Variants in GARIN2 observed in about 807,000 individuals in gnomAD.
GARIN2 encodes the protein golgi associated RAB2 interactor family member 2.
chr14:67,211,136 G>A, the GARIN2 span, among the ~76,000 whole-genome samples: 2 of 152,104 alleles, frequency 1.3e-5, no homozygotes, highest in Non-Finnish European at 2.9e-5. Context: ...TTTGTAACAT[G>A]GGGATACTAT....
the GARIN2 span, chr14:67,223,967 T>C: frequency 1.2e-5 from 12 of 984,974 alleles, no homozygotes; most frequent in Non-Finnish European, 1.4e-5. Flanking sequence ...ATTTATATTA[T>C]AGGCGGAAAT....
the GARIN2 span, among the ~76,000 whole-genome samples, chr14:67,196,200 CCTTT>C: frequency 1.3e-5 from 2 of 151,308 alleles, no homozygotes; most frequent in Non-Finnish European, 2.9e-5. Flanking sequence ...CTTTTTCTTT[CCTTT>C]CTTTTCTTTT....
chr14:67,221,643 T>C, the GARIN2 span: 1 of 1,325,174 alleles, frequency 7.5e-7, no homozygotes, highest in Non-Finnish European at 1.0e-6. Context: ...AGCAATGGCC[T>C]AGGTTTGCTA....
the GARIN2 span, among the ~76,000 whole-genome samples, chr14:67,198,552 T>G: frequency 1.0e-3 from 159 of 152,348 alleles, no homozygotes; most frequent in African/African-American, 3.6e-3. Context: ...AACTCTACCA[T>G]AATTGCCATT....
chr14:67,190,865 G>T, the GARIN2 span, among the ~76,000 whole-genome samples: 35 of 152,298 alleles, frequency 2.3e-4, 1 homozygote, highest in South Asian at 6.8e-3. Flanking sequence ...CAAAGTGCTG[G>T]GAATAATTAA....
At chr14:67,201,688 G>A in the GARIN2 span, 1 of 367,106 alleles carries the variant, frequency 2.7e-6, no homozygotes, top group Non-Finnish European at 5.4e-6. Flanking sequence ...TCATCCCTGA[G>A]CCATGATATT....
chr14:67,218,114 G>A, the GARIN2 span, among the ~76,000 whole-genome samples: 29 of 152,252 alleles, frequency 1.9e-4, no homozygotes, highest in African/African-American at 6.0e-4. Flanking sequence ...CCAGGGGTAG[G>A]CTCACCAGGC....
chr14:67,209,290 C>T, the GARIN2 span, among the ~76,000 whole-genome samples: 3 of 151,866 alleles, frequency 2.0e-5, no homozygotes, highest in South Asian at 6.2e-4. Context: ...CTGGAATGTG[C>T]TGTGATGAAA....
At chr14:67,213,795 T>A in the GARIN2 span, among the ~76,000 whole-genome samples, 1 of 152,194 alleles carries the variant, frequency 6.6e-6, no homozygotes, top group African/African-American at 2.4e-5. Context: ...TGTAAAAGTG[T>A]TCCTATTTCT....
At chr14:67,198,085 TATG>T in the GARIN2 span, 5 of 1,524,904 alleles carry the variant, frequency 3.3e-6, no homozygotes, top group Non-Finnish European at 4.4e-6. Flanking sequence ...GCAACTTAAT[TATG>T]ATATTAAATT....
At chr14:67,225,976 TGC>T in the GARIN2 span, among the ~76,000 whole-genome samples, 14 of 117,254 alleles carry the variant, frequency 1.2e-4, no homozygotes, top group African/African-American at 4.4e-4. Context: ...CGCGCGCGCG[TGC>T]GCATGCGCGT....
the GARIN2 span, among the ~76,000 whole-genome samples, chr14:67,213,095 G>GT: frequency 0.039 from 5,239 of 135,612 alleles, 117 homozygotes; most frequent in African/African-American, 0.044. Context: ...ATTCTGTGGT[G>GT]TTTTTTTTTT....
the GARIN2 span, among the ~76,000 whole-genome samples, chr14:67,192,349 AT>A: frequency 2.6e-5 from 4 of 152,094 alleles, no homozygotes. Flanking sequence ...TCTCACTTTC[AT>A]TCAACAAGTA....
At chr14:67,219,186 T>C in the GARIN2 span, among the ~76,000 whole-genome samples, 1 of 152,178 alleles carries the variant, frequency 6.6e-6, no homozygotes, top group Non-Finnish European at 1.5e-5. Flanking sequence ...AAAACTAGGC[T>C]CAGGGCTTGT....
chr14:67,193,792 A>G, the GARIN2 span, among the ~76,000 whole-genome samples: 2 of 149,536 alleles, frequency 1.3e-5, no homozygotes, highest in African/African-American at 4.9e-5. Context: ...AAAAAAAAAA[A>G]AAATTAGCTG....
At chr14:67,213,960 C>T in the GARIN2 span, among the ~76,000 whole-genome samples, 4 of 152,308 alleles carry the variant, frequency 2.6e-5, no homozygotes, top group South Asian at 8.3e-4. Context: ...GCATAAATGG[C>T]TTCTTTTGAG....
At chr14:67,215,449 T>C in the GARIN2 span, among the ~76,000 whole-genome samples, 1 of 151,524 alleles carries the variant, frequency 6.6e-6, no homozygotes, top group East Asian at 1.9e-4. Context: ...TCAGTGTAAG[T>C]AAACAATGAC....
the GARIN2 span, chr14:67,204,971 A>G: frequency 5.0e-6 from 8 of 1,586,636 alleles, no homozygotes; most frequent in Non-Finnish European, 6.9e-6. Context: ...ATTGTCACAG[A>G]AGTCATAGAA....
At chr14:67,194,161 G>A in the GARIN2 span, among the ~76,000 whole-genome samples, 4 of 151,838 alleles carry the variant, frequency 2.6e-5, no homozygotes, top group South Asian at 2.1e-4. Context: ...TCAGGAGTTC[G>A]AGACCAGCCT....
Sources: gnomAD v4.1 joint callset for allele counts (sites outside exome capture counted in the v4.1 genomes callset) on GRCh38, gnomAD v4.1.1 for gene constraint, MANE v1.5 for transcripts, NCBI Gene and HGNC (gene_info 2026-07-23, HGNC 2026-07-21) for gene names.